Variants in CPNE4 observed in about 807,000 individuals in gnomAD.
CPNE4 encodes the protein copine 4, also known as copine-4.
In CPNE4, 25 loss-of-function variants were observed where a neutral mutation model predicts 67.9. The ratio of observed to expected loss-of-function variants is 0.37; its 90% CI spans 0.27 to 0.51. CPNE4 has a LOEUF of 0.51. Ranked by LOEUF, CPNE4 falls within the 20% of genes least tolerant of loss-of-function variation. The pLI is 0.93. For synonymous variants in CPNE4, 242 were observed against 244.9 expected, an observed-to-expected ratio of 0.99 and a Z score of 0.11; for missense variants, 464 against 690.8, an observed-to-expected ratio of 0.67 and a Z score of 3.68.
chr3:131,834,653 G>T (rs2085490295), intron 2 of CPNE4, among the ~76,000 whole-genome samples: 1 of 151,872 alleles, frequency 6.6e-6, no homozygotes, highest in African/African-American at 2.4e-5. Flanking sequence ...TGATTTAAAG[G>T]TAAAACAAAT....
chr3:131,953,606 A>G (rs572858408), intron 1 of CPNE4, among the ~76,000 whole-genome samples: 59 of 152,340 alleles, frequency 3.9e-4, no homozygotes, highest in Non-Finnish European at 7.3e-4. Context: ...TTGCAGAAAC[A>G]TGGATAGAAG....
At chr3:131,830,682 A>G (rs1454236426) in intron 2 of CPNE4, among the ~76,000 whole-genome samples, 1 of 152,078 alleles carries the variant, frequency 6.6e-6, no homozygotes, top group Non-Finnish European at 1.5e-5. Flanking sequence ...CAGCTATTAC[A>G]TTCTTTTTAC....
intron 2 of CPNE4, among the ~76,000 whole-genome samples, chr3:131,832,118 T>C (rs1303440895): frequency 6.6e-6 from 1 of 152,222 alleles, no homozygotes; most frequent in Non-Finnish European, 1.5e-5. Context: ...TACTTTGTAA[T>C]TGACATTAAT....
chr3:131,620,493 G>A (rs1305767922), intron 7 of CPNE4: 6 of 983,688 alleles, frequency 6.1e-6, no homozygotes, highest in Admixed American at 1.2e-4. Flanking sequence ...GTGAAGACAC[G>A]GCTGATGGTA....
chr3:131,839,369 TTATAA>T (rs1228630977), intron 2 of CPNE4, among the ~76,000 whole-genome samples: 22 of 151,690 alleles, frequency 1.5e-4, no homozygotes, highest in Non-Finnish European at 1.3e-4. Context: ...GGGAAAATGC[TTATAA>T]TATAATGTAA....
At chr3:131,963,622 C>T (rs960988971) in intron 1 of CPNE4, among the ~76,000 whole-genome samples, 5 of 152,132 alleles carry the variant, frequency 3.3e-5, no homozygotes, top group Admixed American at 6.5e-5. Flanking sequence ...AGCAAGCTGC[C>T]GGGAAGTTCG....
chr3:131,836,038 T>G (rs1382255018), intron 2 of CPNE4, among the ~76,000 whole-genome samples: 2 of 152,140 alleles, frequency 1.3e-5, no homozygotes, highest in African/African-American at 4.8e-5. Context: ...CTGACCACAA[T>G]CAACACAGCA....
chr3:131,712,292 C>T (rs1028685664), intron 3 of CPNE4, among the ~76,000 whole-genome samples: 3 of 152,212 alleles, frequency 2.0e-5, no homozygotes, highest in African/African-American at 7.2e-5. Flanking sequence ...TAATTTCCTA[C>T]ATCATCTATA....
intron 1 of CPNE4, among the ~76,000 whole-genome samples, chr3:131,945,203 A>ACTTAT (rs10653619): frequency 0.74 from 112,435 of 151,586 alleles, 41,923 homozygotes; most frequent in Admixed American, 0.82. Context: ...GATACTTTTT[A>ACTTAT]CTTATTTAGT....
chr3:131,890,948 G>A (rs990244129), intron 2 of CPNE4, among the ~76,000 whole-genome samples: 3 of 152,024 alleles, frequency 2.0e-5, no homozygotes, highest in Non-Finnish European at 2.9e-5. Context: ...GATGAGGAGG[G>A]GGCATACAGG....
chr3:131,616,891 A>G (rs1940186279), intron 7 of CPNE4, among the ~76,000 whole-genome samples: 1 of 152,216 alleles, frequency 6.6e-6, no homozygotes. Flanking sequence ...AATAACTATG[A>G]GCTCTGGCAA....
intron 2 of CPNE4, among the ~76,000 whole-genome samples, chr3:131,769,822 TAGCCCGCTATA>T (rs887064513): frequency 1.2e-4 from 19 of 152,252 alleles, no homozygotes; most frequent in African/African-American, 4.6e-4. Context: ...ACCTTTGAAA[TAGCCCGCTATA>T]AGTCAAATAA....
At chr3:131,911,524 A>G (rs1439676433) in intron 1 of CPNE4, among the ~76,000 whole-genome samples, 1 of 150,344 alleles carries the variant, frequency 6.7e-6, no homozygotes, top group Non-Finnish European at 1.5e-5. Context: ...ATACAAACAG[A>G]TTCAAGAGGC....
intron 7 of CPNE4, among the ~76,000 whole-genome samples, chr3:131,610,826 C>A (rs1200705979): frequency 1.3e-5 from 2 of 152,118 alleles, no homozygotes; most frequent in Non-Finnish European, 2.9e-5. Flanking sequence ...GACATGCCAT[C>A]TAAAACAATG....
At chr3:131,938,429 TTAATA>T (rs1182675241) in intron 1 of CPNE4, among the ~76,000 whole-genome samples, 1 of 138,942 alleles carries the variant, frequency 7.2e-6, no homozygotes, top group Non-Finnish European at 1.6e-5. Flanking sequence ...TTAGGGAGAC[TTAATA>T]TAATAAAAAA....
chr3:131,862,736 T>C (rs1268189048), intron 2 of CPNE4, among the ~76,000 whole-genome samples: 2 of 151,764 alleles, frequency 1.3e-5, no homozygotes, highest in African/African-American at 4.8e-5. Context: ...ACTTGAAGTT[T>C]TAAGGTACAT....
intron 2 of CPNE4, among the ~76,000 whole-genome samples, chr3:131,792,925 G>GTATATCTATA (rs71622076): frequency 1.3e-4 from 17 of 135,232 alleles, no homozygotes; most frequent in African/African-American, 4.9e-4. Flanking sequence ...GTGTGTGTGT[G>GTATATCTATA]TATCTCCAAC....
intron 2 of CPNE4, among the ~76,000 whole-genome samples, chr3:131,896,311 T>C (rs190660296): frequency 2.6e-5 from 4 of 152,194 alleles, no homozygotes; most frequent in Admixed American, 6.5e-5. Context: ...ACTGTAGCTA[T>C]TGTATGGGCT....
chr3:131,872,916 C>A (rs2087279220), intron 2 of CPNE4, among the ~76,000 whole-genome samples: 1 of 152,190 alleles, frequency 6.6e-6, no homozygotes, highest in Non-Finnish European at 1.5e-5. Flanking sequence ...CTCCAGATAT[C>A]ATGTAGACAA....
Sources: gnomAD v4.1 joint callset for allele counts (sites outside exome capture counted in the v4.1 genomes callset) on GRCh38, gnomAD v4.1.1 for gene constraint, MANE v1.5 for transcripts, NCBI Gene and HGNC (gene_info 2026-07-23, HGNC 2026-07-21) for gene names.